Variants in CHLSN observed in about 807,000 individuals in gnomAD.
CHLSN encodes cholesin, also known as protein cholesin.
At chr7:987,327 C>G in the CHLSN span, 1 of 1,552,916 alleles carries the variant, frequency 6.4e-7, no homozygotes, top group Non-Finnish European at 8.7e-7. Flanking sequence ...GCCACCCAAG[C>G]GGCCCACCCT....
At chr7:1,010,470 T>C in the CHLSN span, among the ~76,000 whole-genome samples, 2 of 152,096 alleles carry the variant, frequency 1.3e-5, no homozygotes, top group Non-Finnish European at 2.9e-5. Context: ...CCCCACACAG[T>C]GTGGGAAGAT....
the CHLSN span, among the ~76,000 whole-genome samples, chr7:1,135,546 C>G: frequency 6.7e-6 from 1 of 150,316 alleles, no homozygotes; most frequent in Non-Finnish European, 1.5e-5. Flanking sequence ...GCGGGGAGAT[C>G]ACTTGAGGTC....
the CHLSN span, among the ~76,000 whole-genome samples, chr7:1,131,214 A>G: frequency 7.8e-6 from 1 of 128,998 alleles, no homozygotes; most frequent in African/African-American, 3.1e-5. Context: ...AAAAAAAAAA[A>G]AGAGTAAAGC....
At chr7:1,101,414 C>T in the CHLSN span, among the ~76,000 whole-genome samples, 7 of 151,272 alleles carry the variant, frequency 4.6e-5, no homozygotes, top group East Asian at 1.9e-4. Flanking sequence ...AGAGCAGGCG[C>T]GTGCGGCGTC....
chr7:1,030,550 G>A, the CHLSN span, among the ~76,000 whole-genome samples: 2 of 152,206 alleles, frequency 1.3e-5, no homozygotes, highest in African/African-American at 4.8e-5. Flanking sequence ...TTCACAGAGG[G>A]GGAACCAAGC....
chr7:992,852 C>A, the CHLSN span, among the ~76,000 whole-genome samples: 2 of 152,222 alleles, frequency 1.3e-5, no homozygotes, highest in Non-Finnish European at 2.9e-5. Context: ...TCTCTCCGGG[C>A]AGGTCTCACA....
the CHLSN span, among the ~76,000 whole-genome samples, chr7:1,067,801 T>G: frequency 8.0e-6 from 1 of 124,292 alleles, no homozygotes; most frequent in Non-Finnish European, 1.7e-5. Flanking sequence ...CAGGCTGGAG[T>G]GCACCCCAGA....
chr7:1,122,632 G>A, the CHLSN span, among the ~76,000 whole-genome samples: 19 of 152,288 alleles, frequency 1.2e-4, no homozygotes, highest in African/African-American at 3.1e-4. Context: ...TGGCTCAGCC[G>A]GGGCCCCACA....
the CHLSN span, among the ~76,000 whole-genome samples, chr7:991,343 C>A: frequency 5.9e-5 from 9 of 152,206 alleles, no homozygotes; most frequent in Admixed American, 4.6e-4. Context: ...CGGGGTACAG[C>A]CAGGGCCCCC....
the CHLSN span, chr7:1,026,628 C>T: frequency 6.6e-6 from 1 of 152,226 alleles, no homozygotes; most frequent in Non-Finnish European, 1.5e-5. Flanking sequence ...CCCCATTCTT[C>T]AATGCTGATC....
the CHLSN span, among the ~76,000 whole-genome samples, chr7:1,135,365 A>G: frequency 6.6e-6 from 1 of 152,248 alleles, no homozygotes; most frequent in Middle Eastern, 3.4e-3. Context: ...TTATATATAT[A>G]TACATGGTCA....
At chr7:1,016,827 G>GCGTGCCAGCA in the CHLSN span, among the ~76,000 whole-genome samples, 1 of 59,124 alleles carries the variant, frequency 1.7e-5, no homozygotes, top group Non-Finnish European at 2.9e-5. Context: ...GCACAGCAGC[G>GCGTGCCAGCA]CACAGCAGCG....
the CHLSN span, among the ~76,000 whole-genome samples, chr7:1,126,924 G>A: frequency 6.6e-6 from 1 of 152,098 alleles, no homozygotes; most frequent in Non-Finnish European, 1.5e-5. Context: ...GTGAGGAGCC[G>A]CCCCTCGCAC....
At chr7:1,110,143 G>GCTCA in the CHLSN span, among the ~76,000 whole-genome samples, 1 of 152,194 alleles carries the variant, frequency 6.6e-6, no homozygotes, top group African/African-American at 2.4e-5. Context: ...CCGAGGCAGG[G>GCTCA]CTCAGTCCGT....
At chr7:1,030,753 G>A in the CHLSN span, among the ~76,000 whole-genome samples, 3 of 150,314 alleles carry the variant, frequency 2.0e-5, no homozygotes, top group East Asian at 2.0e-4. Context: ...TCTCTCTCCC[G>A]GGGCACGCGG....
chr7:1,053,208 A>G, the CHLSN span, among the ~76,000 whole-genome samples: 1 of 152,096 alleles, frequency 6.6e-6, no homozygotes, highest in Non-Finnish European at 1.5e-5. Context: ...CGAAGGCTCC[A>G]CCCGCCTGGG....
chr7:1,004,472 T>G, the CHLSN span, among the ~76,000 whole-genome samples: 1 of 120,628 alleles, frequency 8.3e-6, no homozygotes, highest in Non-Finnish European at 1.8e-5. Context: ...GCCACAGCAC[T>G]GCTGGCCCAC....
chr7:1,045,558 T>C, the CHLSN span: 3 of 152,380 alleles, frequency 2.0e-5, no homozygotes, highest in Admixed American at 2.0e-4. Flanking sequence ...CCCAGGCTCC[T>C]CACGCATAGT....
the CHLSN span, among the ~76,000 whole-genome samples, chr7:1,130,187 C>T: frequency 6.6e-6 from 1 of 152,246 alleles, no homozygotes; most frequent in African/African-American, 2.4e-5. Flanking sequence ...ACAGCTGTCT[C>T]CAGAACACCA....
Sources: allele counts gnomAD v4.1 joint callset (sites outside exome capture counted in the v4.1 genomes callset), GRCh38; gene constraint gnomAD v4.1.1; transcripts MANE v1.5; gene names NCBI Gene and HGNC (gene_info 2026-07-23, HGNC 2026-07-21).